The following KHDRBS3 variants were observed in gnomAD, a reference collection of about 807,000 sequenced individuals.
KHDRBS3 encodes KH domain-containing, RNA-binding, signal transduction-associated protein 3.
Under a neutral mutation model 45.6 loss-of-function variants are expected in KHDRBS3, and 23 were observed. The ratio of observed to expected loss-of-function variants is 0.50; its 90% CI spans 0.36 to 0.72. The LOEUF (loss-of-function observed/expected upper bound fraction) is 0.72. Among genes scored for constraint, KHDRBS3 ranks in the 30% least tolerant of loss-of-function variants. KHDRBS3 has a pLI of 0.00. For synonymous variants in KHDRBS3, 162 were observed against 156.5 expected (o/e 1.04, Z -0.26); for missense variants, 352 against 424.8 (o/e 0.83, Z 1.51).
At chr8:135,615,988 G>C (rs978886599) in intron 7 of KHDRBS3, among the ~76,000 whole-genome samples, 2 of 152,064 alleles carry the variant, frequency 1.3e-5, no homozygotes, top group Admixed American at 6.5e-5. Flanking sequence ...AAGAAGTTTT[G>C]TATCTTCACC....
intron 7 of KHDRBS3, among the ~76,000 whole-genome samples, chr8:135,620,236 C>T (rs1016026430): frequency 1.3e-5 from 2 of 152,096 alleles, no homozygotes; most frequent in African/African-American, 4.8e-5. Context: ...GTGCCACTGT[C>T]ACTTTACTCT....
intron 7 of KHDRBS3, chr8:135,625,889 G>T (rs148804468): frequency 1.3e-6 from 1 of 773,982 alleles, no homozygotes; most frequent in Non-Finnish European, 2.4e-6. Flanking sequence ...TCTTTGTCAC[G>T]TTCAACTGCA....
chr8:135,593,795 A>C (rs142269588), intron 6 of KHDRBS3, among the ~76,000 whole-genome samples: 1 of 152,292 alleles, frequency 6.6e-6, no homozygotes, highest in East Asian at 1.9e-4. Flanking sequence ...CCTGATGCAG[A>C]GACGAAACAC....
intron 1 of KHDRBS3, among the ~76,000 whole-genome samples, chr8:135,511,515 C>G (rs541688996): frequency 6.6e-6 from 1 of 151,836 alleles, no homozygotes; most frequent in Non-Finnish European, 1.5e-5. Context: ...GGACATTTTA[C>G]GTACAAATAT....
At chr8:135,480,273 T>C (rs991217753) in intron 1 of KHDRBS3, among the ~76,000 whole-genome samples, 1 of 152,124 alleles carries the variant, frequency 6.6e-6, no homozygotes, top group East Asian at 1.9e-4. Flanking sequence ...CACATTGTCT[T>C]GGAGAGTCTA....
At chr8:135,473,211 TC>T (rs1822101458) in intron 1 of KHDRBS3, among the ~76,000 whole-genome samples, 1 of 152,118 alleles carries the variant, frequency 6.6e-6, no homozygotes, top group Non-Finnish European at 1.5e-5. Context: ...CACAGGCTCC[TC>T]CGTCCGGAAA....
At position 135,521,302 on chromosome 8, in the gene KHDRBS3, A is replaced by G; in HGVS notation, c.154A>G (p.Lys52Glu). Residue 52 changes from lysine (K) to glutamate (E), a missense_variant, in exon 2 of 9, where the codon AAG becomes GAG. By Grantham distance (56) the Lys-to-Glu change is moderately conservative (BLOSUM62 1). Coordinates refer to ENST00000355849, the MANE Select transcript of KHDRBS3 (RefSeq NM_006558.3). The part of the protein sequence containing the change: ...EEKYIDVVIN[K>E]NMKLGQKVLI... Reference sequence around the variant, plus strand: ...AAAGTACATCGATGTGGTGATTAATAAGAACATGAAGCTGGGACAGAAAGT... The same window carrying G: ...AAAGTACATCGATGTGGTGATTAATGAGAACATGAAGCTGGGACAGAAAGT... The G allele has an allele frequency of 6.2e-7, 1 of 1,613,728 alleles. No homozygotes were observed. The highest frequency in any genetic ancestry group is 8.5e-7 in the Non-Finnish European group (1 of 1,179,610).
chr8:135,642,165 G>GC (rs1271640486), intron 7 of KHDRBS3, among the ~76,000 whole-genome samples: 3 of 152,212 alleles, frequency 2.0e-5, no homozygotes, highest in Non-Finnish European at 4.4e-5. Flanking sequence ...TTCTGGAAGA[G>GC]CAAAGGCCAT....
chr8:135,576,897 C>T (rs2130906848), intron 5 of KHDRBS3, among the ~76,000 whole-genome samples: 1 of 152,200 alleles, frequency 6.6e-6, no homozygotes, highest in South Asian at 2.1e-4. Flanking sequence ...ATAATGATGT[C>T]TCTGATTTTA....
chr8:135,564,099 T>A (rs1586728375), intron 5 of KHDRBS3, among the ~76,000 whole-genome samples: 1 of 152,350 alleles, frequency 6.6e-6, no homozygotes, highest in African/African-American at 2.4e-5. Flanking sequence ...TTTCTTCCGA[T>A]ATTTTACTTG....
intron 5 of KHDRBS3, among the ~76,000 whole-genome samples, chr8:135,572,687 A>G (rs188940408): frequency 1.3e-5 from 2 of 152,248 alleles, no homozygotes; most frequent in African/African-American, 2.4e-5. Flanking sequence ...GTGGATGCGC[A>G]TGAACGCATG....
At chr8:135,484,462 G>A (rs945212815) in intron 1 of KHDRBS3, among the ~76,000 whole-genome samples, 1 of 152,244 alleles carries the variant, frequency 6.6e-6, no homozygotes, top group Non-Finnish European at 1.5e-5. Context: ...TGTGGTTACA[G>A]AGCTTGCCTC....
Position 135,606,984 on chromosome 8 carries a change from T to C in KHDRBS3, c.837T>C (p.Tyr279=). The C allele has an allele frequency of 6.2e-7, 1 of 1,613,708 alleles. No homozygotes were observed. The highest frequency in any genetic ancestry group is 8.5e-7 in the Non-Finnish European group (1 of 1,179,706). The change falls in exon 7 of 9, where the codon TAT becomes TAC. Residue 279 remains tyrosine (Y), a synonymous_variant. Transcript: ENST00000355849. ...ATGATGATGGATATGGCACTGCTTA[T>C]GATGAACAGAGTTATGATTCCTATG... ...YDYDDGYGTA[Y]DEQSYDSYDN...
chr8:135,484,214 C>T (rs1822729560), intron 1 of KHDRBS3, among the ~76,000 whole-genome samples: 2 of 152,206 alleles, frequency 1.3e-5, no homozygotes, highest in Non-Finnish European at 2.9e-5. Context: ...GGGTAGACCC[C>T]TCTTGGCCAA....
At chr8:135,496,861 T>TGCTTGCCCGTA (rs1823477199) in intron 1 of KHDRBS3, among the ~76,000 whole-genome samples, 1 of 152,244 alleles carries the variant, frequency 6.6e-6, no homozygotes, top group Non-Finnish European at 1.5e-5. Flanking sequence ...GCTTGCCTGT[T>TGCTTGCCCGTA]GCTTGCCCGT....
chr8:135,591,674 C>T (rs1828751486), intron 6 of KHDRBS3, among the ~76,000 whole-genome samples: 1 of 152,130 alleles, frequency 6.6e-6, no homozygotes, highest in Non-Finnish European at 1.5e-5. Flanking sequence ...CAATGAAGGC[C>T]TTTAAGGGAA....
At position 135,471,807 on chromosome 8, in the gene KHDRBS3, G is replaced by A. The variant is rs1038365799; in HGVS notation, c.88+13853G>A. ...CAGTGAATGCATCCCTGTTCTCTTC[G>A]CTCGCTCTCTGTGTGCCAGCTACTA... On this transcript the variant is annotated intron_variant, in intron 1 of 8. Coordinates refer to ENST00000355849, the MANE Select transcript of KHDRBS3 (RefSeq NM_006558.3). Among the ~76,000 whole-genome samples the A allele has an allele frequency of 4.6e-5, 7 of 152,190 alleles. No homozygotes were observed. The East Asian group carries it at 5.8e-4, about 13-fold the overall frequency.
chr8:135,647,204 A>T lies in KHDRBS3; in HGVS notation c.*120A>T. The T allele has an allele frequency of 2.7e-6, 1 of 366,734 alleles. No homozygotes were observed. Among genetic ancestry groups the T allele is most frequent in the Middle Eastern group, 3.5e-4 (1 of 2,896 alleles). 22.7% of individuals were successfully genotyped at this position (366,734 alleles called of 1,614,324 possible). A position where few individuals can be genotyped will look rare whatever the true frequency, so the allele number is the denominator to read the frequency against. On this transcript the variant is annotated 3_prime_UTR_variant, in exon 9 of 9. Transcript: ENST00000355849. The stretch of plus-strand genomic sequence containing the variant: ...ATCAGAATGCTTAAAATCTGAATGG[A>T]TGGAACTTAAAACTACTTTGTTGAA...
At chr8:135,572,669 C>T (rs1391030079) in intron 5 of KHDRBS3, among the ~76,000 whole-genome samples, 1 of 152,214 alleles carries the variant, frequency 6.6e-6, no homozygotes, top group African/African-American at 2.4e-5. Context: ...ACAAGGTCCT[C>T]AGGCGATGTG....
Sources: allele counts gnomAD v4.1 joint callset (sites outside exome capture counted in the v4.1 genomes callset), GRCh38; gene constraint gnomAD v4.1.1; transcripts MANE v1.5; gene names NCBI Gene and HGNC (gene_info 2026-07-23, HGNC 2026-07-21).